The following DCDC1 variants were observed in gnomAD, a reference collection of about 807,000 sequenced individuals.
DCDC1 encodes doublecortin domain containing 1.
A neutral mutation model predicts 178.3 loss-of-function variants in DCDC1; 200 were observed. The observed-to-expected ratio is 1.12, with a 90% confidence interval of 1.00 to 1.26. DCDC1 has a LOEUF of 1.26. Among genes scored for constraint, DCDC1 ranks in the 50% most tolerant of loss-of-function variants. The pLI, the probability that DCDC1 is intolerant of heterozygous loss-of-function variation, is 0.00. For synonymous variants in DCDC1, 690 were observed against 604.8 expected (o/e 1.14, Z -2.07); for missense variants, 1,983 against 1,749.2 (o/e 1.13, Z -2.38).
At chr11:31,364,488 A>G (rs941588407) in intron 1 of DCDC1, among the ~76,000 whole-genome samples, 1 of 152,244 alleles carries the variant, frequency 6.6e-6, no homozygotes, top group Non-Finnish European at 1.5e-5. Flanking sequence ...AGATGTGAAG[A>G]TAGGAAAACA....
chr11:31,181,400 AC>A (rs1968778919), intron 9 of DCDC1, among the ~76,000 whole-genome samples: 1 of 152,054 alleles, frequency 6.6e-6, no homozygotes, highest in East Asian at 1.9e-4. Context: ...TGGGTCACTG[AC>A]CCCCATGCCT....
intron 19 of DCDC1, 102 bp from the exon 20 acceptor site, chr11:31,064,728 T>A (rs1956152282): frequency 1.5e-6 from 1 of 665,390 alleles, no homozygotes; most frequent in African/African-American, 1.8e-5. Flanking sequence ...CATGGTGCCT[T>A]CAGTGTTTCT....
intron 9 of DCDC1, among the ~76,000 whole-genome samples, chr11:31,172,757 T>C (rs1443427233): frequency 1.3e-5 from 2 of 152,134 alleles, no homozygotes; most frequent in African/African-American, 4.8e-5. Flanking sequence ...TGGATCATCA[T>C]AAAGATCTTC....
At chr11:31,187,667 T>C (rs1969664578) in intron 9 of DCDC1, among the ~76,000 whole-genome samples, 1 of 152,180 alleles carries the variant, frequency 6.6e-6, no homozygotes, top group South Asian at 2.1e-4. Context: ...AAAGCTGATG[T>C]TTTTTAGCAA....
At chr11:31,131,932 T>G (rs1030231004) in intron 10 of DCDC1, among the ~76,000 whole-genome samples, 3 of 152,196 alleles carry the variant, frequency 2.0e-5, no homozygotes, top group African/African-American at 7.2e-5. Flanking sequence ...CTTTCACTGA[T>G]AGGGGATTTC....
At chr11:31,009,440 G>A (rs1176595526) in intron 20 of DCDC1, among the ~76,000 whole-genome samples, 2 of 122,036 alleles carry the variant, frequency 1.6e-5, no homozygotes, top group African/African-American at 4.6e-5. Context: ...CAGTTTCTTT[G>A]TGTGTGTGTG....
At chr11:31,219,677 C>T (rs955341960) in intron 9 of DCDC1, among the ~76,000 whole-genome samples, 2 of 151,948 alleles carry the variant, frequency 1.3e-5, no homozygotes, top group African/African-American at 2.4e-5. Context: ...GCACTGTGCT[C>T]GACAAAGGTG....
Position 30,964,518 on chromosome 11 carries a change from C to A in DCDC1, c.2592-11950G>T, listed in dbSNP as rs562103635. ...TCATGACACCGCAGCATCCGTCACA[C>A]CATCCATGAATACCAGCTTACAAAG... is the stretch of plus-strand genomic sequence containing the variant. On this transcript the variant is annotated intron_variant, in intron 20 of 38. Transcript: ENST00000684477. 9.2e-5 allele frequency among the ~76,000 whole-genome samples: 14 copies of A among 152,224 alleles called. No individual in the cohort carries two copies. In the South Asian group the frequency reaches 2.7e-3, roughly 29 times the overall value.
rs139376449 is a variant in DCDC1, at chr11:30,917,126, T to C, written c.3294-98A>G. 1,582 of 1,192,054 alleles carry C rather than the reference T, an allele frequency of 1.3e-3. 27 individuals are homozygous for C. In the African/African-American group the frequency reaches 0.022, roughly 16 times the overall value. 73.8% of individuals were successfully genotyped at this position (1,192,054 alleles called of 1,614,324 possible). ...AGTCTGATCATATTCCACAGGATGT[T>C]GGTGGATCTATAAATCTTATTTCCA... On this transcript the variant is annotated intron_variant, in intron 25 of 38. Coordinates refer to ENST00000684477, the MANE Select transcript of DCDC1 (RefSeq NM_001387274.1).
chr11:31,074,464 A>T (rs1476433311), intron 18 of DCDC1, among the ~76,000 whole-genome samples: 1 of 152,188 alleles, frequency 6.6e-6, no homozygotes, highest in East Asian at 1.9e-4. Flanking sequence ...GGGCCTTTAT[A>T]GAAAGGCTCA....
chr11:30,979,296 C>A (rs568869076), intron 20 of DCDC1, among the ~76,000 whole-genome samples: 2 of 152,282 alleles, frequency 1.3e-5, no homozygotes, highest in South Asian at 4.1e-4. Flanking sequence ...TTGCACTCTG[C>A]AAGTTACTGT....
Position 31,014,124 on chromosome 11 carries a change from T to C in DCDC1, c.2591+50345A>G, listed in dbSNP as rs1348003795. Among the ~76,000 whole-genome samples the C allele has an allele frequency of 2.0e-5, 3 of 152,158 alleles. No homozygotes were observed. The East Asian group carries it at 5.8e-4, about 29-fold the overall frequency. On this transcript the variant is annotated intron_variant, in intron 20 of 38. Transcript: ENST00000684477. ...AAGAAATTAGGCTTAAATGAGGTCA[T>C]AAGGGTGGGATAATAAGTTGTCCTT...
chr11:31,028,633 G>A (rs961563422), intron 20 of DCDC1, among the ~76,000 whole-genome samples: 1 of 151,904 alleles, frequency 6.6e-6, no homozygotes, highest in Non-Finnish European at 1.5e-5. Context: ...TTTGAAATGT[G>A]GAAACTGCAA....
At chr11:31,328,004 A>T in intron 3 of DCDC1, 113 bp downstream of exon 3, 1 of 1,097,624 alleles carries the variant, frequency 9.1e-7, no homozygotes, top group Non-Finnish European at 1.2e-6. Flanking sequence ...TGCTGGGATT[A>T]CAGGCATGAG....
chr11:30,959,982 T>G (rs527675465), intron 20 of DCDC1, among the ~76,000 whole-genome samples: 1 of 152,208 alleles, frequency 6.6e-6, no homozygotes, highest in East Asian at 1.9e-4. Flanking sequence ...CCTTAGCATA[T>G]AAACTTCTTC....
intron 20 of DCDC1, among the ~76,000 whole-genome samples, chr11:31,052,256 A>T (rs12269791): frequency 3.9e-5 from 6 of 152,218 alleles, no homozygotes; most frequent in Admixed American, 2.0e-4. Context: ...AGAGACAAAG[A>T]GAGACATTAT....
At chr11:31,223,948 T>C (rs969073885) in intron 9 of DCDC1, among the ~76,000 whole-genome samples, 2 of 152,004 alleles carry the variant, frequency 1.3e-5, no homozygotes, top group Non-Finnish European at 2.9e-5. Context: ...GGGAAGGACC[T>C]AGGGTAGGGG....
At chr11:31,176,984 T>C (rs923361552) in intron 9 of DCDC1, among the ~76,000 whole-genome samples, 1 of 152,022 alleles carries the variant, frequency 6.6e-6, no homozygotes, top group Admixed American at 6.5e-5. Flanking sequence ...TAGAAGTAAA[T>C]TCATAAATCA....
intron 13 of DCDC1, among the ~76,000 whole-genome samples, chr11:31,105,580 C>T (rs999316777): frequency 4.0e-5 from 6 of 151,330 alleles, no homozygotes; most frequent in Admixed American, 1.3e-4. Context: ...CTACTTACAA[C>T]GTAATTAAAT....
Sources: gnomAD v4.1 joint callset for allele counts (sites outside exome capture counted in the v4.1 genomes callset) on GRCh38, gnomAD v4.1.1 for gene constraint, MANE v1.5 for transcripts, NCBI Gene and HGNC (gene_info 2026-07-23, HGNC 2026-07-21) for gene names.